Variants in CD80 observed in about 807,000 individuals in gnomAD.
CD80 encodes the protein CD80 molecule, also known as T-lymphocyte activation antigen CD80.
A neutral mutation model predicts 27.1 loss-of-function variants in CD80; 13 were observed. That is an observed-to-expected ratio of 0.48 (90% confidence interval 0.31 to 0.76). The LOEUF (loss-of-function observed/expected upper bound fraction) is 0.76. CD80 is among the 30% of genes least tolerant of loss of function. The pLI, the probability that CD80 is intolerant of heterozygous loss-of-function variation, is 0.04. For missense variants in CD80, 277 were observed against 347.9 expected (o/e 0.80, Z 1.62); for synonymous variants, 125 against 125.5 (o/e 1.00, Z 0.03).
intron 3 of CD80, 29 bp from the exon 4 acceptor site, chr3:119,537,447 C>T (rs772939311): frequency 2.1e-5 from 30 of 1,456,064 alleles, no homozygotes; most frequent in Middle Eastern, 1.8e-4. Flanking sequence ...TATATAATTA[C>T]GTATAGTTAC....
chr3:119,532,250 C>T (rs1321261121), intron 4 of CD80, among the ~76,000 whole-genome samples: 1 of 152,110 alleles, frequency 6.6e-6, no homozygotes, highest in Admixed American at 6.6e-5. Flanking sequence ...ACCTGTAATT[C>T]TGGCACTTTG....
intron 2 of CD80, among the ~76,000 whole-genome samples, chr3:119,550,843 C>T (rs1577112827): frequency 6.6e-6 from 1 of 152,184 alleles, no homozygotes; most frequent in Non-Finnish European, 1.5e-5. Context: ...GAGATCCACA[C>T]AGTTCAGGTC....
intron 2 of CD80, 75 bp from the exon 3 acceptor site, chr3:119,544,942 G>A (rs185402094): frequency 2.1e-4 from 255 of 1,212,448 alleles, no homozygotes; most frequent in Non-Finnish European, 2.8e-4. Context: ...ATCCAAAGTC[G>A]GCAGTAACAG....
chr3:119,557,169 G>C (rs370567709), intron 2 of CD80, among the ~76,000 whole-genome samples: 2 of 152,146 alleles, frequency 1.3e-5, no homozygotes, highest in African/African-American at 4.8e-5. Context: ...AAGAGGAATT[G>C]TCCTCAACTA....
chr3:119,543,462 CT>C (rs34234039), intron 3 of CD80, among the ~76,000 whole-genome samples: 175 of 143,576 alleles, frequency 1.2e-3, no homozygotes, highest in Middle Eastern at 3.6e-3. Flanking sequence ...CTGTAGTCTA[CT>C]TTTTTTTTTT....
Position 119,544,852 on chromosome 3 carries a change from G to T in CD80, c.116C>A (p.Thr39Asn), listed in dbSNP as rs1224527849. The change falls in exon 3 of 7, where the codon ACC becomes AAC. Residue 39 changes from threonine (T) to asparagine (N), a missense_variant. Physicochemically the swap from Thr to Asn is moderately conservative, Grantham distance 65. Transcript: ENST00000264246. ...CGTTGCCACTTCTTTCACTTCCTTG[G>T]TCACGTGGATAACACCTATGGAGAG... The part of the protein sequence containing the change: ...SHFCSGVIHV[T>N]KEVKEVATLS... 1.2e-6 allele frequency: 2 copies of T among 1,613,864 alleles called. No individual in the cohort carries two copies. The highest frequency in any genetic ancestry group is 2.2e-5 in the South Asian group (2 of 91,066).
At position 119,558,879 on chromosome 3, in the gene CD80, C is replaced by T. The variant is rs549936063; in HGVS notation, c.-201+561G>A. Among the ~76,000 whole-genome samples, 21 of 152,240 alleles carry T rather than the reference C, an allele frequency of 1.4e-4. No homozygotes were observed. The East Asian group carries it at 3.5e-3, about 25-fold the overall frequency. Reference sequence around the variant, plus strand: ...AAATAAACACTGTGCTCCACTGTCACCCCTTCAGGCTGCTACCAGGACACA... The same window carrying T: ...AAATAAACACTGTGCTCCACTGTCATCCCTTCAGGCTGCTACCAGGACACA... On this transcript the variant is annotated intron_variant, in intron 1 of 6. Transcript: ENST00000264246.
chr3:119,532,731 G>T (rs1004627616), intron 4 of CD80, among the ~76,000 whole-genome samples: 1 of 152,098 alleles, frequency 6.6e-6, no homozygotes, highest in African/African-American at 2.4e-5. Context: ...TCTATATTCA[G>T]AATATCTCTG....
chr3:119,544,327 A>T lies in CD80; in HGVS notation c.418+223T>A, dbSNP rs548832108. The T allele has an allele frequency of 1.1e-5, 6 of 564,650 alleles. No homozygotes were observed. The Admixed American group carries it at 1.8e-4, about 17-fold the overall frequency. The allele number at this position is 564,650 out of a possible 1,614,324, so 35.0% of individuals were successfully genotyped here. On this transcript the variant is annotated intron_variant, in intron 3 of 6. Transcript: ENST00000264246. ...ATTATAGTGCCCCAGGATGATTGTC[A>T]TGAACTTGGATTGTCAAAGAACAAG... is the stretch of plus-strand genomic sequence containing the variant.
chr3:119,537,097 AT>A (rs769721094), intron 4 of CD80, 39 bp downstream of exon 4: 2 of 1,559,984 alleles, frequency 1.3e-6, no homozygotes, highest in Non-Finnish European at 1.8e-6. Context: ...GTCTTTTTAG[AT>A]TCGATATAGT....
chr3:119,551,985 A>T (rs2082234816), intron 2 of CD80, among the ~76,000 whole-genome samples: 1 of 152,196 alleles, frequency 6.6e-6, no homozygotes, highest in Non-Finnish European at 1.5e-5. Flanking sequence ...GCAGAGATGG[A>T]CGGCAACGCT....
At chr3:119,544,461 G>A in intron 3 of CD80, 89 bp downstream of exon 3, 1 of 1,139,706 alleles carries the variant, frequency 8.8e-7, no homozygotes, top group Non-Finnish European at 1.3e-6. Flanking sequence ...TCCCTCTTTG[G>A]TAAAATTTTC....
In CD80 at chr3:119,526,313, A is replaced by G. The variant is rs370170173; in HGVS notation, c.*39-564T>C. On this transcript the variant is annotated intron_variant, in intron 6 of 6. Transcript: ENST00000264246. ...AAGATGACCACAGAAGGCCTTGTGT[A>G]GAAGATTGGGTACACGGCTTCATTT... is the stretch of plus-strand genomic sequence containing the variant. 2.8e-4 allele frequency among the ~76,000 whole-genome samples: 43 copies of G among 152,356 alleles called. 1 individual carries two copies. In the South Asian group the frequency reaches 8.3e-3, roughly 29 times the overall value.
intron 6 of CD80, 46 bp downstream of exon 6, chr3:119,527,687 A>T: frequency 8.6e-7 from 1 of 1,166,134 alleles, no homozygotes; most frequent in Non-Finnish European, 1.3e-6. Context: ...AGAATGCCTC[A>T]TGATCCCCAC....
chr3:119,552,513 CAAAAAAAAAAAA>C (rs11369803), intron 2 of CD80, among the ~76,000 whole-genome samples: 3 of 31,288 alleles, frequency 9.6e-5, no homozygotes, highest in Admixed American at 1.0e-3. Context: ...GACTCTGTCT[CAAAAAAAAAAAA>C]AAAAAAAAAA....
chr3:119,543,542 C>T (rs111933386), intron 3 of CD80, among the ~76,000 whole-genome samples: 2,485 of 151,830 alleles, frequency 0.016, 26 homozygotes, highest in African/African-American at 0.03. Context: ...CTGCAACCTC[C>T]GCCTCCCAGG....
intron 4 of CD80, among the ~76,000 whole-genome samples, chr3:119,533,775 T>C (rs1389996754): frequency 6.6e-6 from 1 of 152,192 alleles, no homozygotes; most frequent in African/African-American, 2.4e-5. Flanking sequence ...CAGTCTCGGG[T>C]ATGTCTTTAT....
chr3:119,537,273 T>A lies in CD80; in HGVS notation c.564A>T (p.Thr188=). Reference sequence around the variant, plus strand: ...GCTCAGTTTCAGGATCTTGGGAAACTGTTGTGTTGATGGCATTTAATTCTT... The same window carrying A: ...GCTCAGTTTCAGGATCTTGGGAAACAGTTGTGTTGATGGCATTTAATTCTT... ...NGEELNAINT[T]VSQDPETELY... Residue 188 remains threonine (T), a synonymous_variant, in exon 4 of 7, where the codon ACA becomes ACT. Transcript: ENST00000264246. 1 of 1,614,108 alleles carries A rather than the reference T, an allele frequency of 6.2e-7. No homozygotes were observed. Among genetic ancestry groups the A allele is most frequent in the African/African-American group, 1.3e-5 (1 of 75,018 alleles).
chr3:119,543,311 C>T (rs376012559), intron 3 of CD80, among the ~76,000 whole-genome samples: 1 of 152,124 alleles, frequency 6.6e-6, no homozygotes, highest in African/African-American at 2.4e-5. Flanking sequence ...TGCTTGCCTT[C>T]CACAGTAGGT....
Sources: allele counts gnomAD v4.1 joint callset (sites outside exome capture counted in the v4.1 genomes callset), GRCh38; gene constraint gnomAD v4.1.1; transcripts MANE v1.5; gene names NCBI Gene and HGNC (gene_info 2026-07-23, HGNC 2026-07-21).